Variants in MTUS2 observed in about 807,000 individuals in gnomAD.
MTUS2 encodes the protein microtubule-associated tumor suppressor candidate 2.
MTUS2 carries 40 observed loss-of-function variants against 114.1 expected under a neutral mutation model. The observed-to-expected ratio is 0.35, with a 90% CI of 0.27 to 0.46. The LOEUF is 0.46. MTUS2 is among the 20% of genes least tolerant of loss of function. The pLI is 1.00. For missense variants in MTUS2, 1,679 were observed against 1,705.4 expected (o/e 0.98, Z 0.27); for synonymous variants, 688 against 672.0 (o/e 1.02, Z -0.37).
chr13:28,834,929 A>G (rs866675853), intron 1 of MTUS2, among the ~76,000 whole-genome samples: 1 of 152,354 alleles, frequency 6.6e-6, no homozygotes, highest in African/African-American at 2.4e-5. Flanking sequence ...AAGCATATGG[A>G]AAGGCAGTCT....
intron 5 of MTUS2, among the ~76,000 whole-genome samples, chr13:29,105,345 T>G (rs950348658): frequency 2.0e-5 from 3 of 152,236 alleles, no homozygotes; most frequent in African/African-American, 7.2e-5. Flanking sequence ...GACTTAGGTT[T>G]CATAAATTAA....
At chr13:29,095,229 A>G (rs1423731202) in intron 4 of MTUS2, among the ~76,000 whole-genome samples, 1 of 152,008 alleles carries the variant, frequency 6.6e-6, no homozygotes, top group Non-Finnish European at 1.5e-5. Flanking sequence ...TCATTGTTCT[A>G]TTATTGAAAG....
intron 5 of MTUS2, among the ~76,000 whole-genome samples, chr13:29,276,926 A>AAATG (rs1347488204): frequency 2.0e-5 from 3 of 151,964 alleles, no homozygotes; most frequent in Non-Finnish European, 4.4e-5. Context: ...ATAAATGAAT[A>AAATG]AATAAATAAA....
At chr13:29,163,511 T>G (rs950730710) in intron 5 of MTUS2, among the ~76,000 whole-genome samples, 1 of 152,190 alleles carries the variant, frequency 6.6e-6, no homozygotes, top group Non-Finnish European at 1.5e-5. Context: ...CCATCATGGG[T>G]CAGCACACCC....
chr13:28,960,797 G>T (rs1883292300), intron 2 of MTUS2, among the ~76,000 whole-genome samples: 1 of 152,114 alleles, frequency 6.6e-6, no homozygotes, highest in Non-Finnish European at 1.5e-5. Context: ...GCACAACTTT[G>T]TGAATATACT....
At chr13:29,427,940 G>T (rs1876669142) in intron 8 of MTUS2, among the ~76,000 whole-genome samples, 1 of 152,042 alleles carries the variant, frequency 6.6e-6, no homozygotes, top group Non-Finnish European at 1.5e-5. Flanking sequence ...ACAAACATTT[G>T]CTCCCTGATT....
At chr13:28,840,489 A>G (rs530367209) in intron 2 of MTUS2, among the ~76,000 whole-genome samples, 16 of 152,372 alleles carry the variant, frequency 1.1e-4, no homozygotes, top group Admixed American at 9.8e-4. Context: ...TTATTCAGCT[A>G]TACTGATTTT....
intron 2 of MTUS2, among the ~76,000 whole-genome samples, chr13:28,912,580 T>C (rs535938752): frequency 3.3e-5 from 5 of 152,310 alleles, no homozygotes; most frequent in African/African-American, 1.2e-4. Flanking sequence ...GGGAATCACA[T>C]TGAATCTTTA....
At chr13:29,424,327 A>G (rs112372596) in intron 8 of MTUS2, among the ~76,000 whole-genome samples, 1,794 of 152,048 alleles carry the variant, frequency 0.012, 45 homozygotes, top group African/African-American at 0.04. Flanking sequence ...GTACCCCATA[A>G]ATGTGTACAA....
At chr13:28,858,381 C>A (rs909318871) in intron 2 of MTUS2, among the ~76,000 whole-genome samples, 1 of 152,082 alleles carries the variant, frequency 6.6e-6, no homozygotes, top group African/African-American at 2.4e-5. Context: ...AATTGCATAG[C>A]AATTAATAGT....
At chr13:29,491,746 T>G (rs2138973532) in intron 11 of MTUS2, among the ~76,000 whole-genome samples, 1 of 144,008 alleles carries the variant, frequency 6.9e-6, no homozygotes, top group African/African-American at 2.6e-5. Context: ...GTGTGGGGTG[T>G]GTGTGTGCGT....
chr13:29,304,624 G>A (rs936154760), intron 6 of MTUS2, among the ~76,000 whole-genome samples: 4 of 152,162 alleles, frequency 2.6e-5, no homozygotes, highest in African/African-American at 9.6e-5. Flanking sequence ...ACATAAGCAT[G>A]CAGATTCATA....
At chr13:29,115,655 A>T (rs2138881351) in intron 5 of MTUS2, among the ~76,000 whole-genome samples, 1 of 152,368 alleles carries the variant, frequency 6.6e-6, no homozygotes, top group Middle Eastern at 3.4e-3. Flanking sequence ...ATAATTACAT[A>T]CGAAAATGTA....
Position 29,359,408 on chromosome 13 carries a change from G to T in MTUS2, c.3052G>T (p.Glu1018Ter). 1 of 1,613,644 alleles carries T rather than the reference G, an allele frequency of 6.2e-7. No homozygotes were observed. The highest frequency in any genetic ancestry group is 8.5e-7 in the Non-Finnish European group (1 of 1,179,774). Residue 1018 changes from glutamate to a stop codon, truncating the protein, a stop_gained, in exon 8 of 16, where the codon GAG becomes TAG. Coordinates refer to ENST00000612955, the MANE Select transcript of MTUS2 (RefSeq NM_001033602.4). LOFTEE classifies it high-confidence loss of function. Reference protein sequence around the residue: ...QTRQLGVAQGELKRAICGFDA... With the variant: ...QTRQLGVAQG ...CAGACAGCTGGGCGTTGCGCAAGGG[G>T]AGCTGAAGAGGGCCATCTGCGGCTT...
chr13:28,920,942 T>C (rs1881008605), intron 2 of MTUS2, among the ~76,000 whole-genome samples: 1 of 152,184 alleles, frequency 6.6e-6, no homozygotes, highest in South Asian at 2.1e-4. Flanking sequence ...ACTCACCCTT[T>C]AGGGCAGTGG....
chr13:28,821,181 A>G (rs1873872842), intron 1 of MTUS2, among the ~76,000 whole-genome samples: 3 of 152,206 alleles, frequency 2.0e-5, no homozygotes, highest in Admixed American at 2.0e-4. Context: ...TGGTAAAGTT[A>G]TGTGTGATTA....
intron 2 of MTUS2, among the ~76,000 whole-genome samples, chr13:28,895,117 G>T (rs1879187807): frequency 6.6e-6 from 1 of 152,150 alleles, no homozygotes; most frequent in Non-Finnish European, 1.5e-5. Context: ...GTTATATTTA[G>T]AAAAACAAAA....
intron 2 of MTUS2, among the ~76,000 whole-genome samples, chr13:29,019,903 G>A (rs1164149410): frequency 6.6e-6 from 1 of 152,236 alleles, no homozygotes; most frequent in Admixed American, 6.5e-5. Flanking sequence ...CCACAGTTGG[G>A]AGAATCTGAG....
intron 5 of MTUS2, among the ~76,000 whole-genome samples, chr13:29,193,936 G>A (rs957672952): frequency 2.0e-5 from 3 of 151,998 alleles, no homozygotes; most frequent in African/African-American, 7.3e-5. Context: ...CAGAAATAAC[G>A]CCGCATATCT....
Sources: gnomAD v4.1 joint callset for allele counts (sites outside exome capture counted in the v4.1 genomes callset) on GRCh38, gnomAD v4.1.1 for gene constraint, MANE v1.5 for transcripts, NCBI Gene and HGNC (gene_info 2026-07-23, HGNC 2026-07-21) for gene names.